KIAA1217: variants seen among roughly 807,000 people sequenced by gnomAD.
KIAA1217 encodes sickle tail protein homolog.
Under a neutral mutation model 163.9 loss-of-function variants are expected in KIAA1217, and 88 were observed. The observed-to-expected ratio is 0.54, with a 90% CI of 0.45 to 0.64. KIAA1217 has a LOEUF of 0.64. KIAA1217 is among the 30% of genes least tolerant of loss of function. The pLI is 0.00. For synonymous variants in KIAA1217, 903 were observed against 923.1 expected (o/e 0.98, Z 0.39); for missense variants, 2,372 against 2,475.0 (o/e 0.96, Z 0.88).
At chr10:23,757,611 G>A (rs528707200) in intron 1 of KIAA1217, among the ~76,000 whole-genome samples, 10 of 152,096 alleles carry the variant, frequency 6.6e-5, no homozygotes, top group South Asian at 2.1e-4. Context: ...TCTGCCTCCC[G>A]GGTTCCCATG....
chr10:23,848,037 T>C (rs1839127309), intron 1 of KIAA1217, among the ~76,000 whole-genome samples: 1 of 152,180 alleles, frequency 6.6e-6, no homozygotes, highest in Non-Finnish European at 1.5e-5. Flanking sequence ...TTGAGTGAGT[T>C]TCTTAATCCT....
chr10:23,760,592 TA>T (rs889458415), intron 1 of KIAA1217, among the ~76,000 whole-genome samples: 1 of 152,056 alleles, frequency 6.6e-6, no homozygotes, highest in Non-Finnish European at 1.5e-5. Context: ...AGGAATAGGA[TA>T]AAAAAATGGA....
intron 2 of KIAA1217, among the ~76,000 whole-genome samples, chr10:24,181,338 G>T (rs1362465509): frequency 1.3e-5 from 2 of 152,126 alleles, no homozygotes; most frequent in African/African-American, 2.4e-5. Flanking sequence ...AAGTGAGAGG[G>T]GGAAGGATGA....
At chr10:24,430,579 AG>A (rs2059525598) in intron 3 of KIAA1217, among the ~76,000 whole-genome samples, 1 of 151,964 alleles carries the variant, frequency 6.6e-6, no homozygotes, top group South Asian at 2.1e-4. Flanking sequence ...ACCATAATGT[AG>A]AATCAGTGGA....
At chr10:23,910,511 C>G (rs909223576) in intron 1 of KIAA1217, among the ~76,000 whole-genome samples, 1 of 152,118 alleles carries the variant, frequency 6.6e-6, no homozygotes, top group Non-Finnish European at 1.5e-5. Flanking sequence ...CACTGTTTGT[C>G]AGGCAAAGGC....
intron 1 of KIAA1217, among the ~76,000 whole-genome samples, chr10:23,708,337 G>C (rs1330067688): frequency 6.6e-6 from 1 of 152,168 alleles, no homozygotes; most frequent in African/African-American, 2.4e-5. Flanking sequence ...CTATTACAGG[G>C]TTAAGTTTAT....
chr10:23,830,949 G>T (rs916199235), intron 1 of KIAA1217, among the ~76,000 whole-genome samples: 1 of 151,980 alleles, frequency 6.6e-6, no homozygotes, highest in African/African-American at 2.4e-5. Context: ...ATGCCCACAG[G>T]TATTGAGTAT....
At chr10:24,446,188 A>G (rs910858781) in intron 5 of KIAA1217, among the ~76,000 whole-genome samples, 1 of 152,102 alleles carries the variant, frequency 6.6e-6, no homozygotes, top group African/African-American at 2.4e-5. Flanking sequence ...TCTTTTGAGA[A>G]GTGTCTGTTC....
chr10:24,531,314 A>G (rs185281361), intron 14 of KIAA1217, among the ~76,000 whole-genome samples: 7 of 152,282 alleles, frequency 4.6e-5, no homozygotes, highest in African/African-American at 1.7e-4. Context: ...GCCCTCCCTA[A>G]GCCAGATTCT....
intron 1 of KIAA1217, among the ~76,000 whole-genome samples, chr10:23,922,632 ACTC>A (rs1180915375): frequency 3.9e-5 from 6 of 152,176 alleles, no homozygotes; most frequent in African/African-American, 1.4e-4. Context: ...GAACAGGAGA[ACTC>A]CTGGGTATGG....
At chr10:24,402,105 ATGTCACTGC>A (rs1437020853) in intron 3 of KIAA1217, among the ~76,000 whole-genome samples, 16 of 152,246 alleles carry the variant, frequency 1.1e-4, no homozygotes, top group Non-Finnish European at 2.1e-4. Context: ...CCAAATGAAG[ATGTCACTGC>A]TCTCCCAAAA....
chr10:24,281,592 G>A (rs1433020768), intron 2 of KIAA1217, among the ~76,000 whole-genome samples: 1 of 152,044 alleles, frequency 6.6e-6, no homozygotes, highest in Non-Finnish European at 1.5e-5. Context: ...GACTCTCCTT[G>A]TTTTTAATGA....
At chr10:23,936,348 G>A (rs1843523842) in intron 1 of KIAA1217, among the ~76,000 whole-genome samples, 1 of 152,092 alleles carries the variant, frequency 6.6e-6, no homozygotes, top group Non-Finnish European at 1.5e-5. Context: ...TACCTGTACT[G>A]GGTTATATTA....
intron 1 of KIAA1217, among the ~76,000 whole-genome samples, chr10:23,895,832 G>A (rs1255967375): frequency 1.3e-5 from 2 of 151,844 alleles, no homozygotes; most frequent in African/African-American, 4.8e-5. Flanking sequence ...ATGAGTTCAT[G>A]TCCTTTGTAG....
chr10:23,738,296 C>T (rs553849948), intron 1 of KIAA1217, among the ~76,000 whole-genome samples: 1 of 152,192 alleles, frequency 6.6e-6, no homozygotes, highest in African/African-American at 2.4e-5. Flanking sequence ...TTTTTAAGGT[C>T]TGGAATGTTT....
intron 2 of KIAA1217, among the ~76,000 whole-genome samples, chr10:24,066,676 T>G (rs2060961539): frequency 6.6e-6 from 1 of 152,210 alleles, no homozygotes; most frequent in South Asian, 2.1e-4. Context: ...TTTCTTGAAT[T>G]TGAATGTTGG....
chr10:24,500,124 C>G (rs2067337399), intron 8 of KIAA1217, among the ~76,000 whole-genome samples: 1 of 152,080 alleles, frequency 6.6e-6, no homozygotes, highest in Non-Finnish European at 1.5e-5. Flanking sequence ...CAGCAGTGCT[C>G]TGTCCTGCAA....
chr10:23,789,966 T>TAC (rs1835673074), intron 1 of KIAA1217, among the ~76,000 whole-genome samples: 1 of 90,042 alleles, frequency 1.1e-5, no homozygotes, highest in Admixed American at 1.2e-4. Flanking sequence ...TATACACATA[T>TAC]ACATATACAT....
chr10:24,094,697 G>C (rs1454346535), intron 2 of KIAA1217, among the ~76,000 whole-genome samples: 1 of 152,226 alleles, frequency 6.6e-6, no homozygotes, highest in African/African-American at 2.4e-5. Flanking sequence ...GGACCCACTT[G>C]AGGAGGCAGT....
Sources: gnomAD v4.1 joint callset for allele counts (sites outside exome capture counted in the v4.1 genomes callset) on GRCh38, gnomAD v4.1.1 for gene constraint, MANE v1.5 for transcripts, NCBI Gene and HGNC (gene_info 2026-07-23, HGNC 2026-07-21) for gene names.